The following MACROD2 variants were observed in gnomAD, a reference collection of about 807,000 sequenced individuals.
MACROD2 encodes the protein mono-ADP ribosylhydrolase 2.
MACROD2 carries 36 observed loss-of-function variants against 70.4 expected under a neutral mutation model. That is an observed-to-expected ratio of 0.51 (90% CI 0.39 to 0.68). The LOEUF is 0.68. Ranked by LOEUF, MACROD2 falls within the 30% of genes least tolerant of loss-of-function variation. The pLI is 0.00. For missense variants in MACROD2, 496 were observed against 538.4 expected, an observed-to-expected ratio of 0.92 and a Z score of 0.78; for synonymous variants, 172 against 178.8, an observed-to-expected ratio of 0.96 and a Z score of 0.30.
At chr20:14,913,605 T>C (rs1270812630) in intron 5 of MACROD2, among the ~76,000 whole-genome samples, 1 of 152,180 alleles carries the variant, frequency 6.6e-6, no homozygotes, top group Admixed American at 6.5e-5. Context: ...GAGGATCATT[T>C]GACCCCAGGA....
At chr20:15,759,210 A>AT (rs543668969) in intron 8 of MACROD2, among the ~76,000 whole-genome samples, 41 of 151,956 alleles carry the variant, frequency 2.7e-4, no homozygotes, top group African/African-American at 8.0e-4. Flanking sequence ...AAAGACAAAG[A>AT]TGTTCAAAGA....
chr20:15,069,701 G>C (rs780384024), intron 5 of MACROD2, among the ~76,000 whole-genome samples: 1 of 152,236 alleles, frequency 6.6e-6, no homozygotes, highest in African/African-American at 2.4e-5. Flanking sequence ...TCCATGTGTT[G>C]CGAAGTCTGC....
chr20:14,830,607 C>T (rs746728343), intron 5 of MACROD2, among the ~76,000 whole-genome samples: 12 of 151,984 alleles, frequency 7.9e-5, no homozygotes, highest in Non-Finnish European at 1.3e-4. Context: ...TTACTGAATA[C>T]CCAACATGCA....
intron 8 of MACROD2, among the ~76,000 whole-genome samples, chr20:15,644,724 A>G (rs957303794): frequency 2.0e-5 from 3 of 152,138 alleles, no homozygotes; most frequent in African/African-American, 7.2e-5. Flanking sequence ...AGTTTCACTC[A>G]TGTTGCCTAG....
In MACROD2 at chr20:15,904,125, C is replaced by T. The variant is rs75055451; in HGVS notation, c.775+18314C>T. On this transcript the variant is annotated intron_variant, in intron 10 of 17. Coordinates refer to ENST00000684519, the MANE Select transcript of MACROD2 (RefSeq NM_001351661.2). ...TCATGTCTTCTTGCTCTCCTCACCC[C>T]GGGAAGGCCATAGTAGCGCACCCCG... Among the ~76,000 whole-genome samples, 1,514 of 152,262 alleles carry T rather than the reference C, an allele frequency of 9.9e-3. 27 individuals are homozygous for T. Among genetic ancestry groups the T allele is most frequent in the African/African-American group, 0.035 (1,440 of 41,556 alleles).
At chr20:15,630,855 G>A (rs974437062) in intron 8 of MACROD2, among the ~76,000 whole-genome samples, 1 of 152,172 alleles carries the variant, frequency 6.6e-6, no homozygotes, top group Admixed American at 6.5e-5. Context: ...CTCCAACTGA[G>A]TTGGAAGATC....
intron 3 of MACROD2, among the ~76,000 whole-genome samples, chr20:14,130,400 T>C (rs2054701863): frequency 6.6e-6 from 1 of 151,924 alleles, no homozygotes; most frequent in Non-Finnish European, 1.5e-5. Context: ...ATAGAAAAAT[T>C]AGCCGAGCGT....
chr20:14,854,616 C>T (rs1197190290), intron 5 of MACROD2, among the ~76,000 whole-genome samples: 1 of 152,052 alleles, frequency 6.6e-6, no homozygotes, highest in East Asian at 1.9e-4. Context: ...AAAACAAAAA[C>T]AAAATCCTTA....
intron 5 of MACROD2, among the ~76,000 whole-genome samples, chr20:14,822,197 C>A (rs1323560376): frequency 6.6e-6 from 1 of 152,000 alleles, no homozygotes; most frequent in Admixed American, 6.6e-5. Flanking sequence ...AATGTGATAT[C>A]ACTTATCCTT....
In MACROD2 at chr20:14,847,084, G is replaced by T. The variant is rs540797061; in HGVS notation, c.418+162125G>T. On this transcript the variant is annotated intron_variant, in intron 5 of 17. Transcript: ENST00000684519. ...AGAAACAAGTATCTTTTCATCTTTA[G>T]ACAAAAGAAAAAAAAGTACTAGTGT... Among the ~76,000 whole-genome samples the T allele has an allele frequency of 2.1e-3, 206 of 98,574 alleles. 1 individual carries two copies. The highest frequency in any genetic ancestry group is 5.9e-3 in the African/African-American group (199 of 33,858). 64.7% of individuals were successfully genotyped at this position (98,574 alleles called of 152,430 possible).
intron 5 of MACROD2, among the ~76,000 whole-genome samples, chr20:14,991,678 T>G (rs2074905204): frequency 6.6e-6 from 1 of 152,184 alleles, no homozygotes; most frequent in Non-Finnish European, 1.5e-5. Context: ...CAGATCAAAT[T>G]CCCTTTCAAA....
chr20:15,407,105 G>A (rs1385334180), intron 6 of MACROD2, among the ~76,000 whole-genome samples: 4 of 152,138 alleles, frequency 2.6e-5, no homozygotes, highest in Non-Finnish European at 5.9e-5. Context: ...ACCTGCTATC[G>A]GTACCTTCCC....
intron 2 of MACROD2, among the ~76,000 whole-genome samples, chr20:14,024,294 G>T (rs967317344): frequency 1.3e-5 from 2 of 152,222 alleles, no homozygotes; most frequent in African/African-American, 4.8e-5. Context: ...TGGGGGCTGA[G>T]ATGATGGGGT....
intron 2 of MACROD2, among the ~76,000 whole-genome samples, chr20:14,070,394 C>T (rs1246800968): frequency 6.6e-6 from 1 of 152,016 alleles, no homozygotes; most frequent in African/African-American, 2.4e-5. Flanking sequence ...GATTGACTGG[C>T]TGGTTTCAAG....
chr20:14,517,842 A>G (rs2085119919), intron 4 of MACROD2, among the ~76,000 whole-genome samples: 1 of 151,924 alleles, frequency 6.6e-6, no homozygotes, highest in South Asian at 2.1e-4. Context: ...CTTTTCTGGT[A>G]TATATTTTCT....
intron 3 of MACROD2, among the ~76,000 whole-genome samples, chr20:14,130,433 A>G (rs920947000): frequency 1.3e-5 from 2 of 152,110 alleles, no homozygotes; most frequent in Non-Finnish European, 2.9e-5. Flanking sequence ...CTGTAATCCC[A>G]GCTACTCGGG....
chr20:15,568,196 G>C (rs2048333189), intron 8 of MACROD2, among the ~76,000 whole-genome samples: 1 of 152,190 alleles, frequency 6.6e-6, no homozygotes, highest in Non-Finnish European at 1.5e-5. Flanking sequence ...ATGGACTTCA[G>C]AAGTTCTATT....
chr20:15,035,428 A>AAAG, intron 5 of MACROD2, among the ~76,000 whole-genome samples: 1 of 119,510 alleles, frequency 8.4e-6, no homozygotes, highest in Non-Finnish European at 1.7e-5. Context: ...AAATAAAATA[A>AAAG]AATAATAAAA....
At chr20:15,042,377 C>CATATAAA (rs2075362901) in intron 5 of MACROD2, among the ~76,000 whole-genome samples, 1 of 152,202 alleles carries the variant, frequency 6.6e-6, no homozygotes, top group African/African-American at 2.4e-5. Flanking sequence ...GGTACATGTT[C>CATATAAA]TCATCTGTGT....
Sources: allele counts gnomAD v4.1 joint callset (sites outside exome capture counted in the v4.1 genomes callset), GRCh38; gene constraint gnomAD v4.1.1; transcripts MANE v1.5; gene names NCBI Gene and HGNC (gene_info 2026-07-23, HGNC 2026-07-21).